LARGE1: variants seen among roughly 807,000 people sequenced by gnomAD.
LARGE1 encodes the protein xylosyl- and glucuronyltransferase LARGE1.
LARGE1 carries 43 observed loss-of-function variants against 87.6 expected under a neutral mutation model. That is an observed-to-expected ratio of 0.49 (90% confidence interval 0.38 to 0.63). The LOEUF is 0.63. LARGE1 is among the 30% of genes least tolerant of loss of function. The probability of loss-of-function intolerance (pLI) is 0.00; values close to 1 mark genes in which losing one functional copy is unlikely to be tolerated. For synonymous variants in LARGE1, 434 were observed against 394.6 expected (o/e 1.10, Z -1.18); for missense variants, 802 against 1,000.2 (o/e 0.80, Z 2.67).
chr22:33,652,381 A>G (rs2149194104), intron 2 of LARGE1, among the ~76,000 whole-genome samples: 1 of 152,118 alleles, frequency 6.6e-6, no homozygotes, highest in East Asian at 1.9e-4. Flanking sequence ...AACACTTATT[A>G]GTATAAAAAC....
At chr22:33,571,256 C>T (rs573643537) in intron 5 of LARGE1, among the ~76,000 whole-genome samples, 1 of 152,250 alleles carries the variant, frequency 6.6e-6, no homozygotes, top group Admixed American at 6.5e-5. Context: ...GTTGGGGATG[C>T]TCTCAAAGGG....
At chr22:33,373,389 T>G (rs1601619935) in intron 9 of LARGE1, among the ~76,000 whole-genome samples, 1 of 152,234 alleles carries the variant, frequency 6.6e-6, no homozygotes, top group East Asian at 1.9e-4. Flanking sequence ...CTTCCTGAGA[T>G]CCATTTAATT....
chr22:33,668,392 T>C (rs1603064472), intron 2 of LARGE1, among the ~76,000 whole-genome samples: 1 of 152,198 alleles, frequency 6.6e-6, no homozygotes, highest in Non-Finnish European at 1.5e-5. Context: ...AGCACTTACC[T>C]TGTGATACTG....
intron 3 of LARGE1, among the ~76,000 whole-genome samples, chr22:33,632,367 G>A (rs982312139): frequency 1.1e-4 from 17 of 152,056 alleles, no homozygotes; most frequent in East Asian, 1.9e-4. Context: ...CATGTGATCC[G>A]CCCACCTCGG....
the LARGE1 span, chr22:33,105,948 A>T: frequency 1.3e-5 from 2 of 152,338 alleles, no homozygotes; most frequent in Admixed American, 6.5e-5. Context: ...TGCTTACCAG[A>T]TATGTCAAAT....
chr22:33,072,662 GC>G, the LARGE1 span, among the ~76,000 whole-genome samples: 16 of 152,136 alleles, frequency 1.1e-4, no homozygotes, highest in African/African-American at 3.1e-4. Flanking sequence ...CTGATACATA[GC>G]CTGGATTGGT....
At chr22:33,251,782 G>A (rs368539821) in intron 11 of LARGE1, among the ~76,000 whole-genome samples, 5 of 152,302 alleles carry the variant, frequency 3.3e-5, no homozygotes, top group African/African-American at 1.2e-4. Flanking sequence ...TTTCAGCTCA[G>A]TCTCTCACTG....
At chr22:33,271,459 T>C (rs530422640), downstream of LARGE1, among the ~76,000 whole-genome samples, 46 of 152,354 alleles carry the variant, frequency 3.0e-4, no homozygotes, top group South Asian at 1.0e-3. Flanking sequence ...CAAAGGCTTC[T>C]GCACATAGTG....
chr22:33,202,106 A>T (rs1472077367), intron 11 of LARGE1, among the ~76,000 whole-genome samples: 2 of 53,726 alleles, frequency 3.7e-5, no homozygotes, highest in East Asian at 5.3e-4. Context: ...ACGGCATGAT[A>T]AAAAAAAAAA....
chr22:33,806,595 A>G (rs183440561), intron 1 of LARGE1, among the ~76,000 whole-genome samples: 2 of 152,296 alleles, frequency 1.3e-5, no homozygotes, highest in Non-Finnish European at 2.9e-5. Context: ...ACGGGGCAAG[A>G]GCTAATCCAT....
At chr22:33,539,702 C>T (rs983128786) in intron 6 of LARGE1, among the ~76,000 whole-genome samples, 2 of 151,858 alleles carry the variant, frequency 1.3e-5, no homozygotes, top group Non-Finnish European at 2.9e-5. Flanking sequence ...GTGATCCTCC[C>T]ACCTCAGCCT....
the LARGE1 span, among the ~76,000 whole-genome samples, chr22:33,150,525 TA>T: frequency 1.6e-4 from 24 of 152,302 alleles, no homozygotes; most frequent in East Asian, 3.5e-3. Flanking sequence ...TCTACAAAGT[TA>T]AAATTACGTA....
chr22:33,604,638 A>G, intron 4 of LARGE1, 80 bp from the exon 5 acceptor site: 1 of 1,565,376 alleles, frequency 6.4e-7, no homozygotes, highest in Non-Finnish European at 8.8e-7. Context: ...CACTCTTCAC[A>G]GTTCCTACGG....
intron 6 of LARGE1, among the ~76,000 whole-genome samples, chr22:33,533,953 T>A (rs888436305): frequency 6.6e-6 from 1 of 151,374 alleles, no homozygotes; most frequent in Non-Finnish European, 1.5e-5. Flanking sequence ...ATTTCTTTAT[T>A]TTTTTTTTCA....
intron 7 of LARGE1, among the ~76,000 whole-genome samples, chr22:33,403,863 G>A (rs886711725): frequency 1.4e-4 from 21 of 152,142 alleles, no homozygotes; most frequent in African/African-American, 3.9e-4. Flanking sequence ...CTCCCAAAGC[G>A]TTGGGATTAC....
chr22:33,484,608 C>T (rs78619944), intron 6 of LARGE1, among the ~76,000 whole-genome samples: 19 of 152,292 alleles, frequency 1.2e-4, no homozygotes, highest in South Asian at 4.1e-4. Flanking sequence ...GGTGCTTCCA[C>T]GACAGGAGAG....
chr22:33,437,034 T>C (rs1200647232), intron 6 of LARGE1, among the ~76,000 whole-genome samples: 1 of 152,102 alleles, frequency 6.6e-6, no homozygotes. Context: ...GGAAATAATA[T>C]ATTAATTCCC....
intron 11 of LARGE1, among the ~76,000 whole-genome samples, chr22:33,207,759 A>G (rs919464856): frequency 2.0e-5 from 3 of 152,142 alleles, no homozygotes; most frequent in South Asian, 2.1e-4. Flanking sequence ...CAGATATCCA[A>G]CAGGGCAAAG....
chr22:33,682,396 C>T (rs2081802684), intron 2 of LARGE1, among the ~76,000 whole-genome samples: 1 of 152,178 alleles, frequency 6.6e-6, no homozygotes, highest in South Asian at 2.1e-4. Flanking sequence ...CCACCCTTCC[C>T]ACTTCTTCTC....
Sources: allele counts gnomAD v4.1 joint callset (sites outside exome capture counted in the v4.1 genomes callset), GRCh38; gene constraint gnomAD v4.1.1; transcripts MANE v1.5; gene names NCBI Gene and HGNC (gene_info 2026-07-23, HGNC 2026-07-21).